Variants in DCC observed in about 807,000 individuals in gnomAD.
DCC encodes DCC netrin 1 receptor, also known as netrin receptor DCC.
A neutral mutation model predicts 172.5 loss-of-function variants in DCC; 58 were observed. The ratio of observed to expected loss-of-function variants is 0.34; its 90% CI spans 0.27 to 0.42. The LOEUF (loss-of-function observed/expected upper bound fraction) is 0.42, where lower values mean the gene tolerates loss of function less well. Among genes scored for constraint, DCC ranks in the 10% least tolerant of loss-of-function variants. The pLI is 1.00. For missense variants in DCC, 1,740 were observed against 1,791.0 expected (o/e 0.97, Z 0.51); for synonymous variants, 709 against 644.5 (o/e 1.10, Z -1.52).
intron 1 of DCC, among the ~76,000 whole-genome samples, chr18:52,436,983 A>G (rs771542142): frequency 2.0e-5 from 3 of 152,210 alleles, no homozygotes; most frequent in Non-Finnish European, 4.4e-5. Context: ...TTCCCATTTT[A>G]TAGATGGAGA....
At chr18:53,264,683 A>T (rs751627776) in intron 12 of DCC, among the ~76,000 whole-genome samples, 1 of 151,952 alleles carries the variant, frequency 6.6e-6, no homozygotes, top group Non-Finnish European at 1.5e-5. Flanking sequence ...TGGAAGACAG[A>T]CCTGCTGCTC....
intron 12 of DCC, among the ~76,000 whole-genome samples, chr18:53,290,785 G>A (rs1223258280): frequency 1.3e-5 from 2 of 152,114 alleles, no homozygotes; most frequent in Non-Finnish European, 2.9e-5. Flanking sequence ...TTCTGTACAG[G>A]AAGAAGTTGA....
chr18:52,547,296 C>G (rs531609917), intron 1 of DCC, among the ~76,000 whole-genome samples: 1 of 151,980 alleles, frequency 6.6e-6, no homozygotes, highest in African/African-American at 2.4e-5. Context: ...ATCTTAAAAG[C>G]GAAAATGTTG....
intron 8 of DCC, among the ~76,000 whole-genome samples, chr18:53,158,988 C>CAAAAAAAAAAAAAAAAAAAAAAAA (rs558049091): frequency 1.9e-4 from 10 of 52,368 alleles, no homozygotes; most frequent in African/African-American, 6.0e-4. Flanking sequence ...GACGCCATCT[C>CAAAAAAAAAAAAAAAAAAAAAAAA]AAAAAAAAAA....
chr18:53,384,028 A>G (rs960183969), intron 15 of DCC, among the ~76,000 whole-genome samples: 1 of 152,170 alleles, frequency 6.6e-6, no homozygotes, highest in African/African-American at 2.4e-5. Flanking sequence ...TTTAGCCATT[A>G]CAAAATAAAA....
chr18:52,648,882 A>G (rs1336475743), intron 1 of DCC, among the ~76,000 whole-genome samples: 1 of 152,152 alleles, frequency 6.6e-6, no homozygotes, highest in Non-Finnish European at 1.5e-5. Flanking sequence ...TCTAGGTTCA[A>G]TATTCTGAAA....
intron 5 of DCC, among the ~76,000 whole-genome samples, chr18:52,978,118 C>G (rs1232955353): frequency 6.6e-6 from 1 of 151,990 alleles, no homozygotes; most frequent in African/African-American, 2.4e-5. Context: ...GTATATCACT[C>G]TAAGTGCTTC....
At chr18:53,332,599 A>T (rs965796432) in intron 14 of DCC, among the ~76,000 whole-genome samples, 3 of 152,144 alleles carry the variant, frequency 2.0e-5, no homozygotes, top group Non-Finnish European at 4.4e-5. Flanking sequence ...CAAATCAATA[A>T]GTAAATATTA....
At position 53,230,862 on chromosome 18, in the gene DCC, A is replaced by AT. The variant is rs568306410; in HGVS notation, c.1911+15271dup. On this transcript the variant is annotated intron_variant, in intron 12 of 28. Coordinates refer to ENST00000442544, the MANE Select transcript of DCC (RefSeq NM_005215.4). ...TCTATAGTTGATAGTAAATTCAGTGATTTTTTGGAAATATGTATGTGAAGG... is the reference window on the plus strand; with the variant it reads ...TCTATAGTTGATAGTAAATTCAGTGATTTTTTTGGAAATATGTATGTGAAGG... Among the ~76,000 whole-genome samples, 12 of 151,994 alleles carry AT rather than the reference A, an allele frequency of 7.9e-5. No individual in the cohort carries two copies. The South Asian group carries it at 2.3e-3, about 29-fold the overall frequency.
At chr18:53,493,027 T>C (rs1426468404) in intron 26 of DCC, among the ~76,000 whole-genome samples, 1 of 152,184 alleles carries the variant, frequency 6.6e-6, no homozygotes, top group African/African-American at 2.4e-5. Context: ...TCTTTGAAGA[T>C]GTCCTTCACA....
At position 53,460,288 on chromosome 18, in the gene DCC, T is replaced by G. The variant is rs200088414; in HGVS notation, c.3619+830T>G. Among the ~76,000 whole-genome samples, 471 of 75,248 alleles carry G rather than the reference T, an allele frequency of 6.3e-3. 1 individual carries two copies. Among genetic ancestry groups the G allele is most frequent in the African/African-American group, 9.9e-3 (213 of 21,488 alleles). The allele number at this position is 75,248 out of a possible 152,430, so 49.4% of individuals were successfully genotyped here. A position where few individuals can be genotyped will look rare whatever the true frequency, so the allele number is the denominator to read the frequency against. ...GAGGAGCTCCTGTTTTTTTTTTTTTTTTTTTTTTTTTTTTTAAGTTTTAGG... is the reference window on the plus strand; with the variant it reads ...GAGGAGCTCCTGTTTTTTTTTTTTTGTTTTTTTTTTTTTTTAAGTTTTAGG... On this transcript the variant is annotated intron_variant, in intron 24 of 28. Coordinates refer to ENST00000442544, the MANE Select transcript of DCC (RefSeq NM_005215.4).
intron 1 of DCC, among the ~76,000 whole-genome samples, chr18:52,568,698 A>C (rs112903246): frequency 7.2e-5 from 11 of 152,060 alleles, no homozygotes; most frequent in African/African-American, 1.4e-4. Context: ...ACACACACAC[A>C]CCCCCACACT....
At chr18:53,314,965 C>G (rs1194754712) in intron 13 of DCC, among the ~76,000 whole-genome samples, 3 of 152,026 alleles carry the variant, frequency 2.0e-5, no homozygotes, top group Non-Finnish European at 4.4e-5. Context: ...AAACTGCTTT[C>G]TTTTTATTAT....
chr18:53,151,611 T>C (rs983049425), intron 7 of DCC, among the ~76,000 whole-genome samples: 3 of 152,152 alleles, frequency 2.0e-5, no homozygotes, highest in African/African-American at 7.2e-5. Context: ...TTATACAGGA[T>C]AAAAGCATAC....
chr18:52,513,347 A>C (rs1287499426), intron 1 of DCC, among the ~76,000 whole-genome samples: 1 of 152,192 alleles, frequency 6.6e-6, no homozygotes, highest in Non-Finnish European at 1.5e-5. Context: ...GTGTGATCTT[A>C]GATCTATAAC....
intron 1 of DCC, among the ~76,000 whole-genome samples, chr18:52,580,019 A>G (rs974142702): frequency 6.6e-6 from 1 of 152,238 alleles, no homozygotes; most frequent in Non-Finnish European, 1.5e-5. Flanking sequence ...TGCTTTTGCA[A>G]CTAAAAGTTG....
chr18:52,767,741 T>C (rs1034737271), intron 2 of DCC, among the ~76,000 whole-genome samples: 14 of 152,208 alleles, frequency 9.2e-5, no homozygotes, highest in African/African-American at 2.2e-4. Context: ...AAAAAGGGCT[T>C]TTTAAAAGCC....
At chr18:53,284,585 G>A (rs543443017) in intron 12 of DCC, among the ~76,000 whole-genome samples, 2 of 152,236 alleles carry the variant, frequency 1.3e-5, no homozygotes, top group South Asian at 4.1e-4. Flanking sequence ...AAATTGCCCA[G>A]TCTCAAGTAT....
chr18:52,665,627 A>G (rs143809455), intron 1 of DCC, among the ~76,000 whole-genome samples: 1 of 152,288 alleles, frequency 6.6e-6, no homozygotes, highest in African/African-American at 2.4e-5. Context: ...ATTTTCAGTG[A>G]TGCGACATTA....
Sources: gnomAD v4.1 joint callset for allele counts (sites outside exome capture counted in the v4.1 genomes callset) on GRCh38, gnomAD v4.1.1 for gene constraint, MANE v1.5 for transcripts, NCBI Gene and HGNC (gene_info 2026-07-23, HGNC 2026-07-21) for gene names.